Variants in PARD3 observed in about 807,000 individuals in gnomAD.
PARD3 encodes the protein partitioning defective 3 homolog.
In PARD3, 75 loss-of-function variants were observed where a neutral mutation model predicts 155.4. That is an observed-to-expected ratio of 0.48 (90% CI 0.40 to 0.58). PARD3 has a LOEUF of 0.58. Among genes scored for constraint, PARD3 ranks in the 20% least tolerant of loss-of-function variants. The probability of loss-of-function intolerance (pLI) is 0.00; values close to 1 mark genes in which losing one functional copy is unlikely to be tolerated. For synonymous variants in PARD3, 576 were observed against 610.5 expected (o/e 0.94, Z 0.83); for missense variants, 1,642 against 1,721.7 (o/e 0.95, Z 0.82).
At chr10:34,790,976 A>G (rs10827425) in intron 1 of PARD3, among the ~76,000 whole-genome samples, 52,286 of 152,188 alleles carry the variant, frequency 0.34, 11,198 homozygotes, top group Non-Finnish European at 0.48. Flanking sequence ...ATGGGCTCAC[A>G]CACAGACACA....
intron 5 of PARD3, among the ~76,000 whole-genome samples, chr10:34,446,723 T>C (rs1299267297): frequency 1.3e-5 from 2 of 152,250 alleles, no homozygotes; most frequent in African/African-American, 4.8e-5. Context: ...AATGTTTGTA[T>C]GCTAACACTT....
rs545710401 is a variant in PARD3 at position 34,175,463 on chromosome 10, A to G, written c.3420-43880T>C. 3.3e-5 allele frequency among the ~76,000 whole-genome samples: 5 copies of G among 152,316 alleles called. No homozygotes were observed. In the South Asian group the frequency reaches 1.0e-3, roughly 32 times the overall value. On this transcript the variant is annotated intron_variant, in intron 22 of 24. Coordinates refer to ENST00000374788, the MANE Select transcript of PARD3 (RefSeq NM_001184785.2). ...TAAATATGCTTCCATATGCCAATGC[A>G]GGGGCCCCAGAGACTGGATCATAAA...
intron 7 of PARD3, among the ~76,000 whole-genome samples, chr10:34,387,036 T>C (rs1307213051): frequency 6.6e-6 from 1 of 152,102 alleles, no homozygotes; most frequent in Non-Finnish European, 1.5e-5. Flanking sequence ...ACAGCTGTAG[T>C]TAAAAGCCAC....
intron 5 of PARD3, among the ~76,000 whole-genome samples, chr10:34,413,302 G>C (rs1184835361): frequency 6.6e-6 from 1 of 152,042 alleles, no homozygotes; most frequent in Non-Finnish European, 1.5e-5. Context: ...GCATGGATGT[G>C]TTTAATTGTG....
intron 22 of PARD3, among the ~76,000 whole-genome samples, chr10:34,249,996 T>C (rs1397964403): frequency 6.6e-6 from 1 of 152,256 alleles, no homozygotes; most frequent in Non-Finnish European, 1.5e-5. Context: ...AGATGCTTTG[T>C]TCTTTCCAAT....
intron 3 of PARD3, among the ~76,000 whole-genome samples, chr10:34,488,210 T>G (rs2079604062): frequency 6.6e-6 from 1 of 152,232 alleles, no homozygotes; most frequent in Non-Finnish European, 1.5e-5. Context: ...CAAGCCTCTC[T>G]ACAACTATGA....
chr10:34,585,667 A>T (rs1178655197), intron 2 of PARD3, among the ~76,000 whole-genome samples: 1 of 151,788 alleles, frequency 6.6e-6, no homozygotes, highest in Admixed American at 6.6e-5. Flanking sequence ...ACTTCCTATC[A>T]TTCAAATCAC....
intron 22 of PARD3, among the ~76,000 whole-genome samples, chr10:34,259,617 C>G (rs989472312): frequency 1.3e-5 from 2 of 152,130 alleles, no homozygotes; most frequent in Non-Finnish European, 2.9e-5. Flanking sequence ...TCACAAGTTC[C>G]AGAAATTAGG....
chr10:34,390,144 A>C (rs2132076477), intron 7 of PARD3, among the ~76,000 whole-genome samples: 1 of 152,354 alleles, frequency 6.6e-6, no homozygotes, highest in Middle Eastern at 3.4e-3. Flanking sequence ...TTGAGTACTC[A>C]AAAGTTCAAG....
chr10:34,776,833 T>TTTTGGGGGG (rs1564608800), intron 1 of PARD3, among the ~76,000 whole-genome samples: 11 of 9,912 alleles, frequency 1.1e-3, no homozygotes, highest in African/African-American at 2.9e-3. Context: ...CGTGTTTTTT[T>TTTTGGGGGG]GTGGGGGGGG....
chr10:34,292,718 T>C (rs1401475124), intron 20 of PARD3, among the ~76,000 whole-genome samples: 1 of 150,546 alleles, frequency 6.6e-6, no homozygotes, highest in Non-Finnish European at 1.5e-5. Context: ...ACTTTATTAT[T>C]ATTATTTTTT....
intron 22 of PARD3, among the ~76,000 whole-genome samples, chr10:34,252,589 G>A (rs928299829): frequency 9.9e-5 from 15 of 152,152 alleles, no homozygotes; most frequent in African/African-American, 2.9e-4. Flanking sequence ...TTGCTGATCT[G>A]TGTCTCAGCC....
At chr10:34,135,387 T>G (rs932732269) in intron 22 of PARD3, among the ~76,000 whole-genome samples, 2 of 152,214 alleles carry the variant, frequency 1.3e-5, no homozygotes, top group Non-Finnish European at 2.9e-5. Flanking sequence ...TGTTTTTTCC[T>G]GACAGGTTTA....
intron 5 of PARD3, 60 bp downstream of exon 5, chr10:34,450,257 T>A: frequency 1.3e-6 from 2 of 1,482,756 alleles, no homozygotes; most frequent in Non-Finnish European, 1.8e-6. Context: ...GAGAAACATC[T>A]TTGGGGTATG....
At chr10:34,569,896 C>CAA (rs35199552) in intron 2 of PARD3, among the ~76,000 whole-genome samples, 2,952 of 132,376 alleles carry the variant, frequency 0.022, 39 homozygotes, top group South Asian at 0.051. Context: ...CCTACTCAAG[C>CAA]AAAAAAAAAA....
intron 1 of PARD3, among the ~76,000 whole-genome samples, chr10:34,812,307 C>T (rs1215915879): frequency 1.3e-5 from 2 of 151,984 alleles, no homozygotes; most frequent in South Asian, 2.1e-4. Flanking sequence ...CATGATCTGC[C>T]CACACTTTTC....
chr10:34,612,453 A>C (rs537518851), intron 2 of PARD3, among the ~76,000 whole-genome samples: 2 of 152,342 alleles, frequency 1.3e-5, no homozygotes, highest in South Asian at 4.1e-4. Context: ...AAAAGAAAAA[A>C]TAAAAAGTAG....
chr10:34,182,136 C>T (rs928780079), intron 22 of PARD3, among the ~76,000 whole-genome samples: 7 of 152,170 alleles, frequency 4.6e-5, no homozygotes, highest in African/African-American at 1.7e-4. Flanking sequence ...AAGTGCTTGT[C>T]TTGCTGGGAG....
intron 1 of PARD3, among the ~76,000 whole-genome samples, chr10:34,742,110 C>A (rs1239727419): frequency 2.0e-5 from 3 of 152,144 alleles, no homozygotes; most frequent in Admixed American, 6.5e-5. Flanking sequence ...GATGAAAATT[C>A]ACGTGATAGC....
Sources: gnomAD v4.1 joint callset for allele counts (sites outside exome capture counted in the v4.1 genomes callset) on GRCh38, gnomAD v4.1.1 for gene constraint, MANE v1.5 for transcripts, NCBI Gene and HGNC (gene_info 2026-07-23, HGNC 2026-07-21) for gene names.